PALM2AKAP2: variants seen among roughly 807,000 people sequenced by gnomAD.
PALM2AKAP2 encodes the protein PALM2 and AKAP2 fusion, also known as PALM2-AKAP2 fusion protein.
In PALM2AKAP2, 37 loss-of-function variants were observed where a neutral mutation model predicts 71.5. The ratio of observed to expected loss-of-function variants is 0.52; its 90% CI spans 0.40 to 0.68. The LOEUF (loss-of-function observed/expected upper bound fraction) is 0.68, where lower values mean the gene tolerates loss of function less well. PALM2AKAP2 is among the 30% of genes least tolerant of loss of function. The pLI is 0.00. For missense variants in PALM2AKAP2, 1,224 were observed against 1,191.8 expected (o/e 1.03, Z -0.40); for synonymous variants, 468 against 478.8 (o/e 0.98, Z 0.29).
intron 1 of PALM2AKAP2, among the ~76,000 whole-genome samples, chr9:109,714,974 T>C (rs989337025): frequency 1.3e-5 from 2 of 152,180 alleles, no homozygotes; most frequent in Middle Eastern, 3.2e-3. Flanking sequence ...AGCACTTGCA[T>C]CCTACTGTGC....
At chr9:110,115,652 C>G (rs1290396542) in intron 1 of PALM2AKAP2, among the ~76,000 whole-genome samples, 1 of 152,216 alleles carries the variant, frequency 6.6e-6, no homozygotes, top group Non-Finnish European at 1.5e-5. Flanking sequence ...CACAGCCTGG[C>G]TTCACATGAG....
intron 3 of PALM2AKAP2, among the ~76,000 whole-genome samples, chr9:109,903,009 G>A (rs1830363650): frequency 6.6e-6 from 1 of 152,140 alleles, no homozygotes; most frequent in South Asian, 2.1e-4. Context: ...AGTCTCTGGA[G>A]CCTCAGAGAT....
intron 1 of PALM2AKAP2, among the ~76,000 whole-genome samples, chr9:109,659,464 CT>C (rs1827357018): frequency 6.8e-6 from 1 of 146,840 alleles, no homozygotes; most frequent in Admixed American, 6.8e-5. Flanking sequence ...TACTTTCTAT[CT>C]ATATAGATTT....
At chr9:110,137,280 G>C in exon 2 of PALM2AKAP2, 12 of 1,614,230 alleles carry the variant, frequency 7.4e-6, no homozygotes, top group Non-Finnish European at 1.0e-5. Flanking sequence ...AGTACACCCA[G>C]GCTGTTCTCC....
intron 1 of PALM2AKAP2, among the ~76,000 whole-genome samples, chr9:109,691,306 A>G (rs1827881352): frequency 6.6e-6 from 1 of 151,908 alleles, no homozygotes. Flanking sequence ...TAAAGTAGAA[A>G]ATTTCCTTCC....
intron 6 of PALM2AKAP2, among the ~76,000 whole-genome samples, chr9:109,955,346 CTT>C (rs1274208557): frequency 6.6e-6 from 1 of 152,106 alleles, no homozygotes; most frequent in East Asian, 1.9e-4. Context: ...ACCCATGTGA[CTT>C]ATATAATGAT....
At chr9:110,129,177 G>A (rs942711977) in intron 1 of PALM2AKAP2, among the ~76,000 whole-genome samples, 7 of 152,176 alleles carry the variant, frequency 4.6e-5, no homozygotes, top group South Asian at 2.1e-4. Context: ...CAACAGATAC[G>A]TCTCCAGAGA....
At chr9:109,952,126 T>A (rs902319584) in intron 6 of PALM2AKAP2, among the ~76,000 whole-genome samples, 3 of 152,270 alleles carry the variant, frequency 2.0e-5, no homozygotes, top group Non-Finnish European at 4.4e-5. Flanking sequence ...CTGTTACAAC[T>A]ACTCAGCTCT....
At chr9:110,052,412 A>C (rs184307485) in intron 1 of PALM2AKAP2, among the ~76,000 whole-genome samples, 1 of 152,320 alleles carries the variant, frequency 6.6e-6, no homozygotes, top group East Asian at 1.9e-4. Context: ...TTACTTTGTA[A>C]AATAATCCCC....
At chr9:109,937,046 A>T (rs563358266) in intron 6 of PALM2AKAP2, among the ~76,000 whole-genome samples, 119 of 151,950 alleles carry the variant, frequency 7.8e-4, no homozygotes, top group African/African-American at 2.7e-3. Flanking sequence ...TGTGTCGGTT[A>T]CTCTTGTTCC....
intron 1 of PALM2AKAP2, among the ~76,000 whole-genome samples, chr9:109,852,127 C>G (rs1459046223): frequency 6.6e-6 from 1 of 151,988 alleles, no homozygotes; most frequent in Non-Finnish European, 1.5e-5. Flanking sequence ...ATTTTAGATT[C>G]AGGTGGTACA....
intron 3 of PALM2AKAP2, among the ~76,000 whole-genome samples, chr9:109,900,984 C>T (rs1330756099): frequency 1.3e-5 from 2 of 152,208 alleles, no homozygotes; most frequent in African/African-American, 4.8e-5. Flanking sequence ...GAGTTTCAAG[C>T]TCATAGGAAA....
chr9:109,893,814 A>G (rs1165274479), intron 3 of PALM2AKAP2, among the ~76,000 whole-genome samples: 1 of 152,176 alleles, frequency 6.6e-6, no homozygotes, highest in Non-Finnish European at 1.5e-5. Context: ...GGTGCGGACA[A>G]CAAACACTGG....
At chr9:109,871,447 G>C (rs1282960174) in intron 2 of PALM2AKAP2, among the ~76,000 whole-genome samples, 1 of 152,094 alleles carries the variant, frequency 6.6e-6, no homozygotes, top group African/African-American at 2.4e-5. Context: ...AGTAGAACTA[G>C]TAAGCAATTT....
intron 1 of PALM2AKAP2, among the ~76,000 whole-genome samples, chr9:110,090,731 T>C (rs1463472528): frequency 2.0e-5 from 3 of 152,230 alleles, no homozygotes; most frequent in Non-Finnish European, 4.4e-5. Flanking sequence ...TATTTTTCCC[T>C]AGTAATTACT....
intron 1 of PALM2AKAP2, among the ~76,000 whole-genome samples, chr9:109,717,542 A>T (rs1297311217): frequency 3.3e-5 from 5 of 152,226 alleles, no homozygotes; most frequent in African/African-American, 1.2e-4. Context: ...GAAACAGGAA[A>T]GTACAGGCCA....
At chr9:110,035,413 G>A (rs997356048) in intron 7 of PALM2AKAP2, among the ~76,000 whole-genome samples, 63 of 129,992 alleles carry the variant, frequency 4.8e-4, no homozygotes, top group Non-Finnish European at 7.9e-4. Flanking sequence ...TATATAATAT[G>A]TATAATACAT....
chr9:110,131,193 C>G (rs1019048527), intron 1 of PALM2AKAP2, among the ~76,000 whole-genome samples: 5 of 123,242 alleles, frequency 4.1e-5, no homozygotes, highest in African/African-American at 1.6e-4. Context: ...GGCATCCTAA[C>G]CAGCTGTTAA....
chr9:110,002,211 GT>G (rs1418871481), intron 6 of PALM2AKAP2, among the ~76,000 whole-genome samples: 1 of 151,790 alleles, frequency 6.6e-6, no homozygotes, highest in Non-Finnish European at 1.5e-5. Context: ...TTTATTGAGA[GT>G]TTTTAGCATG....
Sources: gnomAD v4.1 joint callset for allele counts (sites outside exome capture counted in the v4.1 genomes callset) on GRCh38, gnomAD v4.1.1 for gene constraint, MANE v1.5 for transcripts, NCBI Gene and HGNC (gene_info 2026-07-23, HGNC 2026-07-21) for gene names.